Variants in NDUFS4 observed in about 807,000 individuals in gnomAD.
NDUFS4 encodes the protein NADH dehydrogenase [ubiquinone] iron-sulfur protein 4, mitochondrial.
NDUFS4 carries 28 observed loss-of-function variants against 24.3 expected under a neutral mutation model. The observed-to-expected ratio is 1.15, with a 90% CI of 0.85 to 1.58. The LOEUF is 1.58. Ranked by LOEUF, NDUFS4 falls within the 40% of genes most tolerant of loss-of-function variation. The probability of loss-of-function intolerance (pLI) is 0.00; values close to 1 mark genes in which losing one functional copy is unlikely to be tolerated. For synonymous variants in NDUFS4, 93 were observed against 69.7 expected (o/e 1.34, Z -1.67); for missense variants, 223 against 207.9 (o/e 1.07, Z -0.45).
At chr5:53,561,862 A>T (rs558597112) in intron 1 of NDUFS4, among the ~76,000 whole-genome samples, 2 of 152,206 alleles carry the variant, frequency 1.3e-5, no homozygotes, top group South Asian at 4.1e-4. Flanking sequence ...TCCGTGGCTT[A>T]TGAAAAGGCT....
At position 53,682,997 on chromosome 5, in the gene NDUFS4, A is replaced by ATACTC; in HGVS notation, c.425-119_425-115dup. 3 of 781,194 alleles carry ATACTC rather than the reference A, an allele frequency of 3.8e-6. No homozygotes were observed. The South Asian group carries it at 4.1e-5, about 11-fold the overall frequency. 48.4% of individuals were successfully genotyped at this position (781,194 alleles called of 1,614,324 possible). On this transcript the variant is annotated intron_variant, in intron 4 of 4. Coordinates refer to ENST00000296684, the MANE Select transcript of NDUFS4 (RefSeq NM_002495.4). ...AAGTATATCTCAGATGTGTTGACATATACTCTTGATGATAAATGAACATTA... is the reference window on the plus strand; with the variant it reads ...AAGTATATCTCAGATGTGTTGACATATACTCTACTCTTGATGATAAATGAACATTA...
intron 2 of NDUFS4, among the ~76,000 whole-genome samples, chr5:53,622,130 G>A (rs570392394): frequency 6.6e-6 from 1 of 152,244 alleles, no homozygotes; most frequent in South Asian, 2.1e-4. Context: ...TGTAGATAAA[G>A]TTTCCATCTG....
chr5:53,584,979 G>GC (rs1197410254), intron 1 of NDUFS4, among the ~76,000 whole-genome samples: 2 of 152,136 alleles, frequency 1.3e-5, no homozygotes. Context: ...TGTTGGCCAG[G>GC]CTGGTCTCAG....
At chr5:53,616,363 T>C (rs796338434) in intron 2 of NDUFS4, among the ~76,000 whole-genome samples, 2 of 152,138 alleles carry the variant, frequency 1.3e-5, no homozygotes, top group African/African-American at 4.8e-5. Flanking sequence ...AGATTATGAA[T>C]ATTATGGAAA....
At chr5:53,604,876 A>G (rs1383792656) in intron 2 of NDUFS4, 2 of 456,184 alleles carry the variant, frequency 4.4e-6, no homozygotes, top group Non-Finnish European at 8.8e-6. Context: ...TCCGGTCACC[A>G]TCTACCTATT....
intron 2 of NDUFS4, among the ~76,000 whole-genome samples, chr5:53,624,774 A>G (rs1751164417): frequency 6.6e-6 from 1 of 152,150 alleles, no homozygotes; most frequent in Admixed American, 6.5e-5. Flanking sequence ...GGGAACAGAG[A>G]TAATTATACA....
intron 1 of NDUFS4, 34 bp downstream of exon 1, chr5:53,560,794 T>C: frequency 6.2e-7 from 1 of 1,613,662 alleles, no homozygotes; most frequent in Non-Finnish European, 8.5e-7. Context: ...TTCAAGCTTC[T>C]TGGGTCCCTC....
At chr5:53,636,700 G>C (rs1045635299) in intron 2 of NDUFS4, among the ~76,000 whole-genome samples, 18 of 152,178 alleles carry the variant, frequency 1.2e-4, no homozygotes, top group African/African-American at 3.9e-4. Context: ...TGGAGGTGGA[G>C]CCTGTTGGGA....
intron 2 of NDUFS4, among the ~76,000 whole-genome samples, chr5:53,622,917 A>G (rs193226296): frequency 1.2e-3 from 181 of 152,174 alleles, no homozygotes; most frequent in African/African-American, 3.9e-3. Flanking sequence ...CATAACCTCT[A>G]TTATACTTTC....
intron 2 of NDUFS4, among the ~76,000 whole-genome samples, chr5:53,631,824 G>C (rs942140875): frequency 6.6e-6 from 1 of 152,146 alleles, no homozygotes; most frequent in Non-Finnish European, 1.5e-5. Context: ...TCATGGGCAC[G>C]GGACCTGCCA....
chr5:53,562,106 C>T (rs1486762133), intron 1 of NDUFS4, among the ~76,000 whole-genome samples: 3 of 152,026 alleles, frequency 2.0e-5, no homozygotes, highest in African/African-American at 7.3e-5. Context: ...CGGGTTCAAG[C>T]AGTTCTCCTG....
At chr5:53,605,689 A>C (rs1214978866) in intron 2 of NDUFS4, among the ~76,000 whole-genome samples, 1 of 152,072 alleles carries the variant, frequency 6.6e-6, no homozygotes, top group African/African-American at 2.4e-5. Flanking sequence ...GATGCTTAAG[A>C]CCTGTGTTAG....
At chr5:53,648,595 A>G (rs1262872069) in intron 3 of NDUFS4, among the ~76,000 whole-genome samples, 1 of 152,196 alleles carries the variant, frequency 6.6e-6, no homozygotes, top group Non-Finnish European at 1.5e-5. Context: ...AAGAATGGTC[A>G]TATACAGACA....
At chr5:53,612,921 C>T (rs1173854165) in intron 2 of NDUFS4, among the ~76,000 whole-genome samples, 1 of 151,988 alleles carries the variant, frequency 6.6e-6, no homozygotes, top group African/African-American at 2.4e-5. Flanking sequence ...ACTACGTTTG[C>T]TGTACAAGTA....
At chr5:53,633,605 C>T (rs1006618674) in intron 2 of NDUFS4, among the ~76,000 whole-genome samples, 7 of 152,102 alleles carry the variant, frequency 4.6e-5, no homozygotes, top group South Asian at 2.1e-4. Flanking sequence ...TCTTCATTTC[C>T]GTATGAAGGC....
chr5:53,608,689 C>T (rs184445043), intron 2 of NDUFS4, among the ~76,000 whole-genome samples: 33 of 152,192 alleles, frequency 2.2e-4, no homozygotes, highest in African/African-American at 7.7e-4. Flanking sequence ...AGGCTCCACC[C>T]ACCACATCTG....
intron 1 of NDUFS4, among the ~76,000 whole-genome samples, chr5:53,594,894 G>A (rs1192883508): frequency 1.3e-5 from 2 of 151,802 alleles, no homozygotes; most frequent in Non-Finnish European, 2.9e-5. Context: ...GTGTGTGTGT[G>A]TGTGTATATG....
chr5:53,663,528 C>A (rs1214237070), intron 4 of NDUFS4, among the ~76,000 whole-genome samples: 1 of 152,164 alleles, frequency 6.6e-6, no homozygotes, highest in African/African-American at 2.4e-5. Context: ...GTATTGGGTG[C>A]ATATATATTT....
intron 3 of NDUFS4, 52 bp downstream of exon 3, chr5:53,646,457 ATCTT>A: frequency 6.4e-7 from 1 of 1,569,254 alleles, no homozygotes. Flanking sequence ...TTCTATGTAG[ATCTT>A]TCTTCTAAAT....
Sources: gnomAD v4.1 joint callset for allele counts (sites outside exome capture counted in the v4.1 genomes callset) on GRCh38, gnomAD v4.1.1 for gene constraint, MANE v1.5 for transcripts, NCBI Gene and HGNC (gene_info 2026-07-23, HGNC 2026-07-21) for gene names.